Variants in PPM1K observed in about 807,000 individuals in gnomAD.
PPM1K encodes protein phosphatase, Mg2+/Mn2+ dependent 1K.
Under a neutral mutation model 32.6 loss-of-function variants are expected in PPM1K, and 19 were observed. The ratio of observed to expected loss-of-function variants is 0.58; its 90% confidence interval spans 0.41 to 0.86. PPM1K has a LOEUF of 0.86. Among genes scored for constraint, PPM1K ranks in the 40% least tolerant of loss-of-function variants. The pLI is 0.00. For synonymous variants in PPM1K, 159 were observed against 165.3 expected (o/e 0.96, Z 0.29); for missense variants, 362 against 461.2 (o/e 0.78, Z 1.97).
chr4:88,265,446 T>C (rs1731268540), intron 5 of PPM1K, among the ~76,000 whole-genome samples: 1 of 152,206 alleles, frequency 6.6e-6, no homozygotes, highest in African/African-American at 2.4e-5. Flanking sequence ...GCACATGCTC[T>C]CTTGCCTGCC....
At chr4:88,262,863 T>C (rs1302008961) in intron 6 of PPM1K, 137 bp from the exon 7 acceptor site, 2 of 826,584 alleles carry the variant, frequency 2.4e-6, no homozygotes, top group Non-Finnish European at 3.5e-6. Flanking sequence ...ACTAACCTAC[T>C]TATTTCACAA....
At position 88,278,694 on chromosome 4, in the gene PPM1K, G is replaced by T; in HGVS notation, c.-59-52C>A. ...GGGGACAGAGGGAGAGAGGGGCAGA[G>T]GAGGAGAGGGAGAGAGACAGAGAGA... On this transcript the variant is annotated intron_variant, in intron 1 of 6. Coordinates refer to ENST00000608933, the MANE Select transcript of PPM1K (RefSeq NM_152542.5). This position sits in a 1 kb window ranked among gnomAD's most constrained non-coding sequence, Gnocchi z 4.2. 1 of 799,590 alleles carries T rather than the reference G, an allele frequency of 1.3e-6. No individual in the cohort carries two copies. Among genetic ancestry groups the T allele is most frequent in the Non-Finnish European group, 2.0e-6 (1 of 510,694 alleles). 49.5% of individuals were successfully genotyped at this position (799,590 alleles called of 1,614,324 possible). A position where few individuals can be genotyped will look rare whatever the true frequency, so the allele number is the denominator to read the frequency against.
intron 3 of PPM1K, 126 bp from the exon 4 acceptor site, chr4:88,269,032 T>A: frequency 1.3e-6 from 1 of 776,634 alleles, no homozygotes; most frequent in Non-Finnish European, 2.0e-6. Context: ...CTAATTTAAC[T>A]AGAGCTAAGC....
At chr4:88,262,873 ATGGT>A in intron 6 of PPM1K, 147 bp from the exon 7 acceptor site, 1 of 775,974 alleles carries the variant, frequency 1.3e-6, no homozygotes, top group Non-Finnish European at 1.9e-6. Flanking sequence ...TTATTTCACA[ATGGT>A]TTGTGATTTT....
intron 3 of PPM1K, among the ~76,000 whole-genome samples, chr4:88,269,590 A>G (rs1731475738): frequency 6.6e-6 from 1 of 152,220 alleles, no homozygotes; most frequent in Non-Finnish European, 1.5e-5. Flanking sequence ...ACAGGAGCAG[A>G]AAATCTGGGG....
rs1261757915 is a variant in PPM1K at position 88,284,502 on chromosome 4, G to T, written c.-156C>A. On this transcript the variant is annotated 5_prime_UTR_variant, in exon 1 of 7. Transcript: ENST00000608933. ...GGTAAATAAGAGTGCCTTCTCCGTC[G>T]TCTCGGATCTCCGAAGCAAGCAGTC... 1 of 152,248 alleles carries T rather than the reference G, an allele frequency of 6.6e-6. No individual in the cohort carries two copies. The highest frequency in any genetic ancestry group is 2.4e-5 in the African/African-American group (1 of 41,462). 9.4% of individuals were successfully genotyped at this position (152,248 alleles called of 1,614,324 possible).
At chr4:88,272,166 G>GTTT (rs1322568548) in intron 3 of PPM1K, among the ~76,000 whole-genome samples, 2 of 151,128 alleles carry the variant, frequency 1.3e-5, no homozygotes, top group Non-Finnish European at 2.9e-5. Context: ...CTAGACTCAT[G>GTTT]ACTCATGAAC....
chr4:88,273,285 A>G (rs1351997446), intron 3 of PPM1K, among the ~76,000 whole-genome samples: 1 of 152,232 alleles, frequency 6.6e-6, no homozygotes, highest in Non-Finnish European at 1.5e-5. Context: ...CCTCCAAACC[A>G]TTTCTTTTCT....
At position 88,278,353 on chromosome 4, in the gene PPM1K, C is replaced by A. The variant is rs1270506389; in HGVS notation, c.231G>T (p.Leu77=). 6.2e-7 allele frequency: 1 copy of A among 1,614,188 alleles called. No homozygotes were observed. Among genetic ancestry groups the A allele is most frequent in the East Asian group, 2.2e-5 (1 of 44,886 alleles). Residue 77 remains leucine (L), a synonymous_variant, in exon 2 of 7, where the codon CTG becomes CTT. Coordinates refer to ENST00000608933, the MANE Select transcript of PPM1K (RefSeq NM_152542.5). This position sits in a 1 kb window ranked among gnomAD's most constrained non-coding sequence, Gnocchi z 4.2. ...GCTTGCCATACTTAATGCTGGGTGG[C>A]AGCAGAATTGGCTCATCAATGCGGT... ...WDNRIDEPIL[L]PPSIKYGKPI...
chr4:88,278,089 T>C lies in PPM1K; in HGVS notation c.440+55A>G, dbSNP rs1417482742. On this transcript the variant is annotated intron_variant, in intron 2 of 6. Transcript: ENST00000608933. This position sits in a 1 kb window ranked among gnomAD's most constrained non-coding sequence, Gnocchi z 4.2. ...GGAAGCCTCAGCCAAAGGGTGAAAGTTTAAGTAGGAAGTATAGGAACTGCA... is the reference window on the plus strand; with the variant it reads ...GGAAGCCTCAGCCAAAGGGTGAAAGCTTAAGTAGGAAGTATAGGAACTGCA... The C allele has an allele frequency of 1.4e-6, 2 of 1,474,516 alleles. No individual in the cohort carries two copies. Among genetic ancestry groups the C allele is most frequent in the African/African-American group, 1.4e-5 (1 of 71,994 alleles). 91.3% of individuals were successfully genotyped at this position (1,474,516 alleles called of 1,614,324 possible). A position where few individuals can be genotyped will look rare whatever the true frequency, so the allele number is the denominator to read the frequency against.
chr4:88,281,372 A>AT (rs942986575), intron 1 of PPM1K, among the ~76,000 whole-genome samples: 19 of 151,718 alleles, frequency 1.3e-4, no homozygotes, highest in Non-Finnish European at 2.4e-4. Context: ...CCTCCCCCCA[A>AT]TTTTTTTTTA....
intron 5 of PPM1K, among the ~76,000 whole-genome samples, chr4:88,267,682 C>A (rs1731391471): frequency 6.6e-6 from 1 of 152,198 alleles, no homozygotes; most frequent in Non-Finnish European, 1.5e-5. Flanking sequence ...AGAGAAGGAA[C>A]CAGCAGGCAC....
intron 1 of PPM1K, chr4:88,279,413 A>T (rs182258019): frequency 6.6e-6 from 1 of 152,232 alleles, no homozygotes; most frequent in African/African-American, 2.4e-5. Flanking sequence ...CCATCCTAGC[A>T]GACTCTCTCA....
rs975124217 is a variant in PPM1K, at chr4:88,284,390, C to T, written c.-60+16G>A. The T allele has an allele frequency of 1.3e-5, 2 of 152,404 alleles. No homozygotes were observed. Among genetic ancestry groups the T allele is most frequent in the African/African-American group, 2.4e-5 (1 of 41,586 alleles). The allele number at this position is 152,404 out of a possible 1,614,324, so 9.4% of individuals were successfully genotyped here. The stretch of plus-strand genomic sequence containing the variant: ...GGTTAGCAGAAATAAATGAATTGCA[C>T]TCTCTAGGCTCTTACCTCTGGATGG... On this transcript the variant is annotated intron_variant, in intron 1 of 6. Transcript: ENST00000608933.
intron 6 of PPM1K, 89 bp from the exon 7 acceptor site, chr4:88,262,815 G>C (rs11930989): frequency 0.021 from 29,977 of 1,428,632 alleles, 1,080 homozygotes; most frequent in African/African-American, 0.16. Flanking sequence ...TTGGAAATAC[G>C]CTTCCCCTAG....
Position 88,277,394 on chromosome 4 carries a change from G to A in PPM1K, c.441-151C>T, listed in dbSNP as rs1255485408. The stretch of plus-strand genomic sequence containing the variant: ...ACCTACTGGCTAAGGAATACCTATT[G>A]AGAATCCACAAAGTATCAGGCACTG... On this transcript the variant is annotated intron_variant, in intron 2 of 6. Coordinates refer to ENST00000608933, the MANE Select transcript of PPM1K (RefSeq NM_152542.5). The A allele has an allele frequency of 1.3e-5, 8 of 603,106 alleles. No individual in the cohort carries two copies. In the Admixed American group the frequency reaches 2.0e-4, roughly 15 times the overall value. 37.4% of individuals were successfully genotyped at this position (603,106 alleles called of 1,614,324 possible).
At chr4:88,275,482 T>A in intron 3 of PPM1K, 1 of 985,444 alleles carries the variant, frequency 1.0e-6, no homozygotes, top group Non-Finnish European at 1.2e-6. Context: ...ATATTTTACA[T>A]CAAGTCAATC....
intron 3 of PPM1K, among the ~76,000 whole-genome samples, chr4:88,269,251 G>A (rs958834851): frequency 3.3e-5 from 5 of 152,188 alleles, no homozygotes; most frequent in African/African-American, 1.2e-4. Flanking sequence ...CAGACTGAAA[G>A]TATTAAAATT....
chr4:88,277,369 A>G, intron 2 of PPM1K, 126 bp from the exon 3 acceptor site: 1 of 655,762 alleles, frequency 1.5e-6, no homozygotes, highest in South Asian at 1.9e-5. Context: ...AATGCTGAAG[A>G]CCTACTGGCT....
Sources: gnomAD v4.1 joint callset for allele counts (sites outside exome capture counted in the v4.1 genomes callset) on GRCh38, gnomAD v4.1.1 for gene constraint, Gnocchi (gnomAD v3.1) non-coding constraint, MANE v1.5 for transcripts, NCBI Gene and HGNC (gene_info 2026-07-23, HGNC 2026-07-21) for gene names.